ALK: variants seen among roughly 807,000 people sequenced by gnomAD.
The protein encoded by ALK is ALK receptor tyrosine kinase, also known as ALK tyrosine kinase receptor.
In ALK, 74 loss-of-function variants were observed where a neutral mutation model predicts 163.1. The ratio of observed to expected loss-of-function variants is 0.45; its 90% CI spans 0.38 to 0.55. The LOEUF (loss-of-function observed/expected upper bound fraction) is 0.55. ALK is among the 20% of genes least tolerant of loss of function. The pLI, the probability that ALK is intolerant of heterozygous loss-of-function variation, is 0.00. For synonymous variants in ALK, 960 were observed against 843.2 expected, an observed-to-expected ratio of 1.14 and a Z score of -2.40; for missense variants, 2,063 against 2,105.3, an observed-to-expected ratio of 0.98 and a Z score of 0.39.
intron 24 of ALK, among the ~76,000 whole-genome samples, chr2:29,213,207 C>T (rs1669509693): frequency 6.6e-6 from 1 of 152,184 alleles, no homozygotes; most frequent in Non-Finnish European, 1.5e-5. Flanking sequence ...TTCAAGCTGT[C>T]AGCTGAGAAA....
intron 11 of ALK, among the ~76,000 whole-genome samples, chr2:29,261,791 C>T (rs1387459482): frequency 6.6e-6 from 1 of 152,168 alleles, no homozygotes; most frequent in Admixed American, 6.5e-5. Flanking sequence ...CTCGGTACTG[C>T]AGCATGTCCA....
At chr2:29,357,787 C>G (rs904628622) in intron 5 of ALK, among the ~76,000 whole-genome samples, 5 of 152,212 alleles carry the variant, frequency 3.3e-5, no homozygotes, top group African/African-American at 4.8e-5. Context: ...CTGAACTAAG[C>G]TATGATCTTC....
At chr2:29,367,922 A>G (rs1223759613) in intron 5 of ALK, among the ~76,000 whole-genome samples, 2 of 152,186 alleles carry the variant, frequency 1.3e-5, no homozygotes, top group African/African-American at 4.8e-5. Context: ...TACATTTTCT[A>G]GCTACTGATC....
intron 3 of ALK, among the ~76,000 whole-genome samples, chr2:29,612,304 TG>T (rs1455093429): frequency 1.3e-5 from 2 of 152,236 alleles, no homozygotes; most frequent in Non-Finnish European, 2.9e-5. Flanking sequence ...CTTCCCCTCC[TG>T]TGCTTTTAGC....
intron 20 of ALK, 69 bp downstream of exon 20, chr2:29,223,273 C>A (rs745613905): frequency 6.4e-7 from 1 of 1,551,306 alleles, no homozygotes; most frequent in African/African-American, 1.3e-5. Context: ...GAGGAGTCTG[C>A]GGTGCTGTGA....
At position 29,251,178 on chromosome 2, in the gene ALK, T is replaced by G. The variant is rs1166188112; in HGVS notation, c.2131A>C (p.Ser711Arg). ...GGGCCCTCGCTCCCCACCTCCACGC[T>G]CAGGTTGGAGTTCTGGTAGGCGTTG... is the stretch of plus-strand genomic sequence containing the variant. ...CNNAYQNSNL[S>R]VEVGSEGPLK... Residue 711 changes from serine to arginine, a missense_variant, in exon 12 of 29, where the codon AGC (serine) becomes CGC (arginine). Physicochemically the swap from Ser to Arg is moderately radical, Grantham distance 110. Coordinates refer to ENST00000389048, the MANE Select transcript of ALK (RefSeq NM_004304.5). The G allele has an allele frequency of 1.9e-6, 3 of 1,614,028 alleles. No homozygotes were observed. The East Asian group carries it at 6.7e-5, about 36-fold the overall frequency.
chr2:29,447,291 C>A (rs924438317), intron 4 of ALK, among the ~76,000 whole-genome samples: 2 of 152,200 alleles, frequency 1.3e-5, no homozygotes, highest in African/African-American at 4.8e-5. Flanking sequence ...TTGCAGAAAT[C>A]TCTCTGGCAG....
intron 4 of ALK, among the ~76,000 whole-genome samples, chr2:29,390,730 C>T (rs1027864089): frequency 1.3e-5 from 2 of 152,162 alleles, no homozygotes; most frequent in African/African-American, 2.4e-5. Context: ...TCCATTAAAT[C>T]AGCCTGCATT....
intron 15 of ALK, 25 bp from the exon 16 acceptor site, chr2:29,229,091 C>A (rs201414973): frequency 2.1e-5 from 34 of 1,609,270 alleles, no homozygotes; most frequent in Non-Finnish European, 2.5e-5. Context: ...AGGGAACCTG[C>A]GTGAGGATGC....
intron 24 of ALK, among the ~76,000 whole-genome samples, chr2:29,210,576 G>A (rs1354317030): frequency 6.6e-6 from 1 of 152,112 alleles, no homozygotes; most frequent in Non-Finnish European, 1.5e-5. Flanking sequence ...GGGGTTACAG[G>A]CATGCAGCAC....
intron 11 of ALK, among the ~76,000 whole-genome samples, chr2:29,274,390 G>A (rs917848951): frequency 2.0e-5 from 3 of 152,234 alleles, no homozygotes; most frequent in African/African-American, 7.2e-5. Context: ...CATAGCAGAA[G>A]ACACCTCACA....
rs138191956 is a variant in ALK at position 29,310,485 on chromosome 2, C to A, written c.1647+7819G>T. Among the ~76,000 whole-genome samples the A allele has an allele frequency of 6.0e-4, 92 of 152,286 alleles. 2 individuals are homozygous for A. In the East Asian group the frequency reaches 0.011, roughly 18 times the overall value. On this transcript the variant is annotated intron_variant, in intron 8 of 28. Transcript: ENST00000389048. Reference sequence around the variant, plus strand: ...TGCAAAGAGCTAGGGTGTTCGAAGGCCCTCATTAAGAATAATGGCTTGCTT... The same window carrying A: ...TGCAAAGAGCTAGGGTGTTCGAAGGACCTCATTAAGAATAATGGCTTGCTT...
chr2:29,668,396 A>G (rs1366500974), intron 3 of ALK, among the ~76,000 whole-genome samples: 2 of 151,936 alleles, frequency 1.3e-5, no homozygotes, highest in East Asian at 3.9e-4. Flanking sequence ...ATTTATTGCT[A>G]TAAACTCCCT....
chr2:29,845,923 C>T (rs1665830212), intron 1 of ALK, among the ~76,000 whole-genome samples: 1 of 152,190 alleles, frequency 6.6e-6, no homozygotes, highest in South Asian at 2.1e-4. Context: ...TTCTCTGTAG[C>T]ACAATGCACA....
chr2:29,325,619 G>C (rs74374773), intron 6 of ALK, among the ~76,000 whole-genome samples: 2 of 152,212 alleles, frequency 1.3e-5, no homozygotes, highest in African/African-American at 4.8e-5. Context: ...CTGGAAGCTC[G>C]TGAAACAGAG....
At chr2:29,477,272 C>T (rs1281014436) in intron 4 of ALK, among the ~76,000 whole-genome samples, 1 of 152,172 alleles carries the variant, frequency 6.6e-6, no homozygotes, top group Non-Finnish European at 1.5e-5. Context: ...GAGGCAGCAT[C>T]ATGCTAAAGA....
chr2:29,814,713 C>T (rs913012228), intron 1 of ALK, among the ~76,000 whole-genome samples: 2 of 151,954 alleles, frequency 1.3e-5, no homozygotes, highest in African/African-American at 2.4e-5. Flanking sequence ...ATGCCTAAGC[C>T]TGAATCTTGG....
At chr2:29,851,862 C>A (rs1666001838) in intron 1 of ALK, among the ~76,000 whole-genome samples, 1 of 152,218 alleles carries the variant, frequency 6.6e-6, no homozygotes, top group Admixed American at 6.5e-5. Context: ...GAGGGTAGAG[C>A]AGGCATAGAC....
chr2:29,452,652 A>G (rs991247864), intron 4 of ALK, among the ~76,000 whole-genome samples: 10 of 152,188 alleles, frequency 6.6e-5, no homozygotes, highest in Non-Finnish European at 1.2e-4. Context: ...AATTAATTAT[A>G]ATGGAGAAAA....
Sources: gnomAD v4.1 joint callset for allele counts (sites outside exome capture counted in the v4.1 genomes callset) on GRCh38, gnomAD v4.1.1 for gene constraint, MANE v1.5 for transcripts, NCBI Gene and HGNC (gene_info 2026-07-23, HGNC 2026-07-21) for gene names.